GGCX: variants seen among roughly 807,000 people sequenced by gnomAD.
GGCX encodes the protein vitamin K-dependent gamma-carboxylase.
In GGCX, 63 loss-of-function variants were observed where a neutral mutation model predicts 88.5. The ratio of observed to expected loss-of-function variants is 0.71; its 90% CI spans 0.58 to 0.88. GGCX has a LOEUF of 0.88. Ranked by LOEUF, GGCX falls within the 40% of genes least tolerant of loss-of-function variation. The pLI, the probability that GGCX is intolerant of heterozygous loss-of-function variation, is 0.00. For missense variants in GGCX, 805 were observed against 932.9 expected (o/e 0.86, Z 1.79); for synonymous variants, 368 against 365.8 (o/e 1.01, Z -0.07).
chr2:85,561,018 G>A (rs960919973), intron 1 of GGCX, 33 bp from the exon 2 acceptor site: 2 of 1,551,704 alleles, frequency 1.3e-6, no homozygotes, highest in African/African-American at 1.4e-5. Flanking sequence ...ATATGTGTGC[G>A]GGGGTGGGCT....
At position 85,545,326 on chromosome 2, in the gene GGCX, C is replaced by G. The variant is rs534210883; in HGVS notation, c.*4608G>C. On this transcript the variant is annotated 3_prime_UTR_variant, in exon 15 of 15. Coordinates refer to ENST00000233838, the MANE Select transcript of GGCX (RefSeq NM_000821.7). ...TTAAAGTGCTTTGGGGCCATAGGTA[C>G]GTGCCTATAATCCCAACACTTTGAA... The G allele has an allele frequency of 6.6e-6, 1 of 152,576 alleles. No individual in the cohort carries two copies. Among genetic ancestry groups the G allele is most frequent in the Non-Finnish European group, 1.5e-5 (1 of 68,034 alleles). 9.5% of individuals were successfully genotyped at this position (152,576 alleles called of 1,614,324 possible).
In GGCX at chr2:85,550,763, CAG is replaced by C. The variant is rs1558805193; in HGVS notation, c.1889-15_1889-14del. ...AGAGGCCCTGTTTCTGCCCGGAAGA[CAG>C]AAAAAAGAGGAATCACTGAGATGGA... On this transcript the variant is annotated splice_polypyrimidine_tract_variant and intron_variant, in intron 13 of 14. Transcript: ENST00000233838. 1.2e-6 allele frequency: 2 copies of C among 1,612,708 alleles called. No individual in the cohort carries two copies. Among genetic ancestry groups the C allele is most frequent in the African/African-American group, 1.3e-5 (1 of 74,636 alleles).
Position 85,554,454 on chromosome 2 carries a change from T to TTTGTTGTTG in GGCX, c.726-157_726-149dup, listed in dbSNP as rs60769490. 103,359 of 643,178 alleles carry TTTGTTGTTG rather than the reference T, an allele frequency of 0.16. 7,624 individuals are homozygous for TTTGTTGTTG. Among genetic ancestry groups the TTTGTTGTTG allele is most frequent in the Non-Finnish European group, 0.2 (70,408 of 356,450 alleles). The allele number at this position is 643,178 out of a possible 1,614,324, so 39.8% of individuals were successfully genotyped here. ...CCCATGAAGACACTCCTCTAGGTTG[T>TTTGTTGTTG]TTGTTGTTGTTGTTGTTGTTGTTGT... On this transcript the variant is annotated intron_variant, in intron 6 of 14. Coordinates refer to ENST00000233838, the MANE Select transcript of GGCX (RefSeq NM_000821.7).
chr2:85,561,400 G>A lies in GGCX; in HGVS notation c.29C>T (p.Thr10Ile). The A allele has an allele frequency of 1.3e-6, 2 of 1,572,246 alleles. No homozygotes were observed. The highest frequency in any genetic ancestry group is 1.7e-6 in the Non-Finnish European group (2 of 1,159,160). Residue 10 changes from threonine to isoleucine, a missense_variant, in exon 1 of 15, where the codon ACC (threonine) becomes ATC (isoleucine). Around this residue, in one of 3 missense-constraint regions of GGCX, gnomAD observed 64 missense variants for 57.4 expected, o/e 1.12. Transcript: ENST00000233838. The part of the protein sequence containing the change: MAVSAGSAR[T>I]SPSSDKVQKD... ...CCTAAGCCTACCTGAGCTGGGCGAG[G>A]TCCGCGCGGACCCGGCAGACACCGC...
chr2:85,551,144 G>A (rs1442202951), intron 12 of GGCX, 72 bp from the exon 13 acceptor site: 1 of 1,370,624 alleles, frequency 7.3e-7, no homozygotes, highest in Non-Finnish European at 1.0e-6. Context: ...CCTACTCTAT[G>A]ACTCTTGGCT....
rs1691668328 is a variant in GGCX at position 85,546,408 on chromosome 2, G to A, written c.*3526C>T. The A allele has an allele frequency of 6.6e-6, 1 of 150,700 alleles. No homozygotes were observed. Among genetic ancestry groups the A allele is most frequent in the Admixed American group, 6.6e-5 (1 of 15,102 alleles). The allele number at this position is 150,700 out of a possible 1,614,324, so 9.3% of individuals were successfully genotyped here. A position where few individuals can be genotyped will look rare whatever the true frequency, so the allele number is the denominator to read the frequency against. On this transcript the variant is annotated 3_prime_UTR_variant, in exon 15 of 15. Coordinates refer to ENST00000233838, the MANE Select transcript of GGCX (RefSeq NM_000821.7). ...ACCACACTCCGGCCAGGGTAACAGA[G>A]TGAGACTTAAAAAAAAAGCCGTGGA...
At chr2:85,559,192 TC>T in intron 2 of GGCX, 117 bp from the exon 3 acceptor site, 1 of 847,104 alleles carries the variant, frequency 1.2e-6, no homozygotes, top group East Asian at 2.6e-5. Flanking sequence ...TAATCTTGGC[TC>T]TGCCATTTAT....
intron 7 of GGCX, 75 bp from the exon 8 acceptor site, chr2:85,553,572 T>C: frequency 7.2e-7 from 1 of 1,386,728 alleles, no homozygotes; most frequent in Non-Finnish European, 1.0e-6. Context: ...TTAGGAGACT[T>C]CTCCCAGGTG....
At position 85,553,379 on chromosome 2, in the gene GGCX, GGCT is replaced by G; in HGVS notation, c.1005_1007del (p.Ala336del). Reference sequence around the variant, plus strand: ...ACACACAGGAAACACTGGGCTGAGGGGCTGCCTTGAGGGGCAACAGTTGTTGCA... The same window carrying G: ...ACACACAGGAAACACTGGGCTGAGGGGCCTTGAGGGGCAACAGTTGTTGCA... On this transcript the variant is annotated inframe_deletion, in exon 8 of 15. Transcript: ENST00000233838. The G allele has an allele frequency of 6.2e-7, 1 of 1,614,206 alleles. No individual in the cohort carries two copies.
At position 85,546,750 on chromosome 2, in the gene GGCX, C is replaced by T. The variant is rs1317981976; in HGVS notation, c.*3184G>A. On this transcript the variant is annotated 3_prime_UTR_variant, in exon 15 of 15. Coordinates refer to ENST00000233838, the MANE Select transcript of GGCX (RefSeq NM_000821.7). ...AAGTAGGGGGAGGGCAAGGTTAAAA[C>T]CTATGCAGGTGTGTCAATTAGACTT... 1 of 152,186 alleles carries T rather than the reference C, an allele frequency of 6.6e-6. No individual in the cohort carries two copies. The highest frequency in any genetic ancestry group is 1.5e-5 in the Non-Finnish European group (1 of 68,044). 9.4% of individuals were successfully genotyped at this position (152,186 alleles called of 1,614,324 possible). A position where few individuals can be genotyped will look rare whatever the true frequency, so the allele number is the denominator to read the frequency against.
Position 85,551,565 on chromosome 2 carries a change from C to CT in GGCX, c.1654dup (p.Ser552LysfsTer34). 1 of 1,613,804 alleles carries CT rather than the reference C, an allele frequency of 6.2e-7. No individual in the cohort carries two copies. The highest frequency in any genetic ancestry group is 8.5e-7 in the Non-Finnish European group (1 of 1,179,780). On this transcript the variant is annotated frameshift_variant, in exon 12 of 15. Coordinates refer to ENST00000233838, the MANE Select transcript of GGCX (RefSeq NM_000821.7). LOFTEE classifies it high-confidence loss of function. ...CACTTCCCCCTGCAGCAGCTGGATG[C>CT]TAGTGTTGCCCAGGTCTTCACTCAC...
At position 85,549,580 on chromosome 2, in the gene GGCX, C is replaced by G; in HGVS notation, c.*354G>C. 3.5e-6 allele frequency: 1 copy of G among 286,858 alleles called. No homozygotes were observed. The highest frequency in any genetic ancestry group is 3.2e-5 in the South Asian group (1 of 31,110). The allele number at this position is 286,858 out of a possible 1,614,324, so 17.8% of individuals were successfully genotyped here. A position where few individuals can be genotyped will look rare whatever the true frequency, so the allele number is the denominator to read the frequency against. ...TTTGCCATGTTGGCCAGGCTGGTCT[C>G]GAACTCCTGGCCTCAAGTGATCTGC... On this transcript the variant is annotated 3_prime_UTR_variant, in exon 15 of 15. Transcript: ENST00000233838.
In GGCX at chr2:85,559,014, G is replaced by A. The variant is rs1692322726; in HGVS notation, c.276C>T (p.Tyr92=). The change falls in exon 3 of 15, where the codon TAC becomes TAT. Residue 92 remains tyrosine, a synonymous_variant. Transcript: ENST00000233838. ...AGCGGCACACATCCAGCCCATCAAGGTATTTCCGGTCCAGAGAGCTGAGCC... is the reference window on the plus strand; with the variant it reads ...AGCGGCACACATCCAGCCCATCAAGATATTTCCGGTCCAGAGAGCTGAGCC... ...ERGLSSLDRK[Y]LDGLDVCRFP... is the part of the protein sequence containing the mutation. The A allele has an allele frequency of 6.2e-7, 1 of 1,613,800 alleles. No homozygotes were observed.
chr2:85,554,618 A>T, intron 6 of GGCX: 1 of 422,474 alleles, frequency 2.4e-6, no homozygotes, highest in Admixed American at 3.5e-5. Context: ...GGCACGTGCC[A>T]CCACGCCTAG....
intron 12 of GGCX, 105 bp from the exon 13 acceptor site, chr2:85,551,177 G>T: frequency 1.7e-6 from 2 of 1,153,386 alleles, no homozygotes. Flanking sequence ...ATTGTGTTTT[G>T]GAATCGAAAG....
chr2:85,560,476 G>T (rs1463968827), intron 2 of GGCX, among the ~76,000 whole-genome samples: 3 of 151,978 alleles, frequency 2.0e-5, no homozygotes, highest in East Asian at 1.9e-4. Context: ...GGTGGTGGGC[G>T]CCTGTAATCC....
At position 85,552,409 on chromosome 2, in the gene GGCX, T is replaced by C. The variant is rs377068161; in HGVS notation, c.1439+7A>G. On this transcript the variant is annotated splice_region_variant and intron_variant, in intron 10 of 14. Transcript: ENST00000233838. ...ATTTTTTCCCACTCTCTGCTCCCCT[T>C]GCCCACCTCTGCTGGAAGCGGTCAT... 42 of 1,613,362 alleles carry C rather than the reference T, an allele frequency of 2.6e-5. No individual in the cohort carries two copies. The South Asian group carries it at 4.4e-4, about 17-fold the overall frequency.
At position 85,552,461 on chromosome 2, in the gene GGCX, A is replaced by G. The variant is rs762873050; in HGVS notation, c.1394T>C (p.Ile465Thr). The change falls in exon 10 of 15, where the codon ATC (isoleucine) becomes ACC (threonine). Residue 465 changes from isoleucine (I) to threonine (T), a missense_variant. Physicochemically the swap from Ile to Thr is moderately conservative, Grantham distance 89 (BLOSUM62 -1). Around this residue, in one of 3 missense-constraint regions of GGCX, gnomAD observed 680 missense variants for 763.7 expected, o/e 0.89. Coordinates refer to ENST00000233838, the MANE Select transcript of GGCX (RefSeq NM_000821.7). ...LPKYNVTEPQ[I>T]YFDIWVSIND... Reference sequence around the variant, plus strand: ...GATGGAGACCCAAATATCAAAGTAGATCTGGGGCTCAGTGACATTATACTT... The same window carrying G: ...GATGGAGACCCAAATATCAAAGTAGGTCTGGGGCTCAGTGACATTATACTT... The G allele has an allele frequency of 6.2e-7, 1 of 1,613,942 alleles. No individual in the cohort carries two copies.
chr2:85,554,431 C>A, intron 6 of GGCX, 125 bp from the exon 7 acceptor site: 1 of 808,676 alleles, frequency 1.2e-6, no homozygotes, highest in Admixed American at 1.8e-5. Flanking sequence ...ATAATCCACC[C>A]ATGAAGACAC....
Sources: gnomAD v4.1 joint callset for allele counts (sites outside exome capture counted in the v4.1 genomes callset) on GRCh38, gnomAD v4.1.1 for gene constraint, gnomAD v4.1.1 regional missense constraint, MANE v1.5 for transcripts, NCBI Gene and HGNC (gene_info 2026-07-23, HGNC 2026-07-21) for gene names.